Variants in CNTN1 observed in about 807,000 individuals in gnomAD.
CNTN1 encodes the protein contactin-1.
In CNTN1, 38 loss-of-function variants were observed where a neutral mutation model predicts 126.4. The ratio of observed to expected loss-of-function variants is 0.30; its 90% CI spans 0.23 to 0.39. The LOEUF (loss-of-function observed/expected upper bound fraction) is 0.39. Among genes scored for constraint, CNTN1 ranks in the 10% least tolerant of loss-of-function variants. CNTN1 has a pLI of 1.00. For synonymous variants in CNTN1, 413 were observed against 422.6 expected (o/e 0.98, Z 0.28); for missense variants, 1,009 against 1,248.4 (o/e 0.81, Z 2.89).
intron 1 of CNTN1, among the ~76,000 whole-genome samples, chr12:40,727,081 A>T (rs1209845918): frequency 6.7e-6 from 1 of 149,320 alleles, no homozygotes; most frequent in Non-Finnish European, 1.5e-5. Context: ...ATAATTAAAA[A>T]TTTCTAATAA....
chr12:41,006,400 G>A (rs1288479660), intron 17 of CNTN1, among the ~76,000 whole-genome samples: 1 of 152,210 alleles, frequency 6.6e-6, no homozygotes, highest in African/African-American at 2.4e-5. Flanking sequence ...TGGCAGGCAG[G>A]AGCAGAGGAC....
At chr12:41,016,185 G>C (rs868304933) in intron 18 of CNTN1, among the ~76,000 whole-genome samples, 3 of 152,232 alleles carry the variant, frequency 2.0e-5, no homozygotes, top group South Asian at 4.1e-4. Context: ...TGACAAAAAC[G>C]CTGCATTCAT....
chr12:40,773,647 AT>A (rs1939440631), intron 1 of CNTN1, among the ~76,000 whole-genome samples: 1 of 3,780 alleles, frequency 2.6e-4, no homozygotes, highest in African/African-American at 3.6e-4. Context: ...ATATATATAT[AT>A]ATATATACAC....
intron 1 of CNTN1, among the ~76,000 whole-genome samples, chr12:40,751,959 A>G (rs1429097969): frequency 1.3e-5 from 2 of 152,022 alleles, no homozygotes; most frequent in Admixed American, 1.3e-4. Context: ...AATTGAAGCC[A>G]TTTTTATTAT....
chr12:41,032,367 CAAA>C (rs35270939), intron 23 of CNTN1, among the ~76,000 whole-genome samples: 4 of 78,338 alleles, frequency 5.1e-5, no homozygotes, highest in African/African-American at 4.0e-5. Flanking sequence ...GACTCCGTCT[CAAA>C]AAAAAAAAAA....
chr12:40,722,210 A>T (rs1468239417), intron 1 of CNTN1, among the ~76,000 whole-genome samples: 1 of 152,144 alleles, frequency 6.6e-6, no homozygotes, highest in Non-Finnish European at 1.5e-5. Flanking sequence ...TCATTTGGTG[A>T]CAAAAATTTG....
intron 1 of CNTN1, among the ~76,000 whole-genome samples, chr12:40,774,681 C>A (rs1431462835): frequency 6.6e-6 from 1 of 151,550 alleles, no homozygotes. Flanking sequence ...ACTTAACTCT[C>A]ATCTCAATAT....
At chr12:40,764,479 C>T (rs1938998490) in intron 1 of CNTN1, among the ~76,000 whole-genome samples, 1 of 152,206 alleles carries the variant, frequency 6.6e-6, no homozygotes, top group Non-Finnish European at 1.5e-5. Flanking sequence ...GGCTCCTACT[C>T]TCCCACAGAG....
intron 1 of CNTN1, among the ~76,000 whole-genome samples, chr12:40,723,077 C>T (rs889658992): frequency 5.9e-5 from 9 of 151,884 alleles, no homozygotes; most frequent in African/African-American, 1.5e-4. Context: ...TAAAAGTAGC[C>T]GCCATAGAGA....
chr12:40,787,562 G>A (rs1940071521), intron 1 of CNTN1, among the ~76,000 whole-genome samples: 1 of 152,048 alleles, frequency 6.6e-6, no homozygotes, highest in Non-Finnish European at 1.5e-5. Context: ...TTCTGAGCAT[G>A]ACTAATATAA....
At chr12:40,908,304 C>T in intron 1 of CNTN1, 53 bp from the exon 2 acceptor site, 3 of 638,700 alleles carry the variant, frequency 4.7e-6, no homozygotes, top group Non-Finnish European at 8.3e-6. Flanking sequence ...CCCTTCCTTC[C>T]CCTCTCCTTC....
chr12:40,831,640 A>G (rs1203064390), intron 1 of CNTN1, among the ~76,000 whole-genome samples: 1 of 152,126 alleles, frequency 6.6e-6, no homozygotes, highest in Non-Finnish European at 1.5e-5. Flanking sequence ...ATATAGCTTT[A>G]TGGATGCTTC....
At chr12:40,863,606 G>A (rs942492584) in intron 1 of CNTN1, among the ~76,000 whole-genome samples, 1 of 152,166 alleles carries the variant, frequency 6.6e-6, no homozygotes, top group African/African-American at 2.4e-5. Flanking sequence ...GGGTTGCACA[G>A]CAGGAGGTGA....
intron 7 of CNTN1, among the ~76,000 whole-genome samples, chr12:40,931,235 A>G (rs1945873461): frequency 6.6e-6 from 1 of 151,962 alleles, no homozygotes; most frequent in African/African-American, 2.4e-5. Flanking sequence ...AATCCAAAGG[A>G]CACTTTGAAG....
chr12:40,851,653 G>A (rs916087541), intron 1 of CNTN1, among the ~76,000 whole-genome samples: 3 of 152,172 alleles, frequency 2.0e-5, no homozygotes, highest in South Asian at 2.1e-4. Flanking sequence ...ACCATGCACA[G>A]TAAATTAATC....
intron 15 of CNTN1, among the ~76,000 whole-genome samples, chr12:40,974,839 T>C (rs1947627207): frequency 6.6e-6 from 1 of 152,096 alleles, no homozygotes; most frequent in Admixed American, 6.6e-5. Context: ...ATATAAGTAC[T>C]CAGAAAAAAG....
chr12:40,782,517 T>C (rs1939843257), intron 1 of CNTN1, among the ~76,000 whole-genome samples: 1 of 151,922 alleles, frequency 6.6e-6, no homozygotes, highest in Non-Finnish European at 1.5e-5. Flanking sequence ...AATTTCATAA[T>C]TACTGATTTG....
intron 1 of CNTN1, among the ~76,000 whole-genome samples, chr12:40,887,781 T>C (rs1944094804): frequency 6.6e-6 from 1 of 151,916 alleles, no homozygotes; most frequent in Non-Finnish European, 1.5e-5. Flanking sequence ...CCAACAACGA[T>C]AGACTGGATT....
intron 14 of CNTN1, among the ~76,000 whole-genome samples, chr12:40,951,248 C>T (rs796076181): frequency 3.3e-5 from 5 of 152,160 alleles, no homozygotes; most frequent in African/African-American, 7.2e-5. Context: ...CTGTCATTCT[C>T]GTTGTTTATT....
Sources: allele counts gnomAD v4.1 joint callset (sites outside exome capture counted in the v4.1 genomes callset), GRCh38; gene constraint gnomAD v4.1.1; transcripts MANE v1.5; gene names NCBI Gene and HGNC (gene_info 2026-07-23, HGNC 2026-07-21).